ATG16L1: variants seen among roughly 807,000 people sequenced by gnomAD.
ATG16L1 encodes the protein autophagy related 16 like 1.
A neutral mutation model predicts 88.5 loss-of-function variants in ATG16L1; 37 were observed. That is an observed-to-expected ratio of 0.42 (90% CI 0.32 to 0.55). ATG16L1 has a LOEUF of 0.55. ATG16L1 is among the 20% of genes least tolerant of loss of function. The pLI, the probability that ATG16L1 is intolerant of heterozygous loss-of-function variation, is 0.13. For missense variants in ATG16L1, 554 were observed against 752.8 expected (o/e 0.74, Z 3.09); for synonymous variants, 301 against 281.0 (o/e 1.07, Z -0.71).
chr2:233,265,434 TATAG>T (rs1369410298), intron 5 of ATG16L1, among the ~76,000 whole-genome samples: 1 of 152,192 alleles, frequency 6.6e-6, no homozygotes, highest in Non-Finnish European at 1.5e-5. Flanking sequence ...CTTATATGAA[TATAG>T]ATGTGAAATT....
intron 2 of ATG16L1, among the ~76,000 whole-genome samples, chr2:233,262,284 A>C (rs1381439161): frequency 1.3e-5 from 2 of 152,132 alleles, no homozygotes; most frequent in Non-Finnish European, 2.9e-5. Flanking sequence ...CCATGTTTGC[A>C]CTTCACAGTA....
At chr2:233,279,035 G>T (rs987534600) in intron 10 of ATG16L1, among the ~76,000 whole-genome samples, 13 of 152,166 alleles carry the variant, frequency 8.5e-5, no homozygotes, top group Non-Finnish European at 1.5e-4. Context: ...AAAAGTAGCT[G>T]GGTGTGTTGG....
intron 6 of ATG16L1, among the ~76,000 whole-genome samples, chr2:233,272,044 A>T (rs997705005): frequency 6.6e-6 from 1 of 152,218 alleles, no homozygotes; most frequent in Non-Finnish European, 1.5e-5. Flanking sequence ...CCTAATCCAG[A>T]TAATTATTTA....
chr2:233,274,029 C>T (rs1414198335), intron 8 of ATG16L1: 2 of 1,550,758 alleles, frequency 1.3e-6, no homozygotes, highest in Admixed American at 2.0e-5. Flanking sequence ...CATTCTTCTT[C>T]TGATGCTGCC....
At position 233,281,946 on chromosome 2, in the gene ATG16L1, A is replaced by G. The variant is rs531239848; in HGVS notation, c.1132-736A>G. ...GCTGAGAGCTGACTACCTGAGGACA[A>G]GTGTCTGGGCGTTAATCATCTTTGT... On this transcript the variant is annotated intron_variant, in intron 11 of 17. Coordinates refer to ENST00000392017, the MANE Select transcript of ATG16L1 (RefSeq NM_030803.7). 7.4e-4 allele frequency among the ~76,000 whole-genome samples: 113 copies of G among 152,298 alleles called. 1 individual carries two copies. Among genetic ancestry groups the G allele is most frequent in the Middle Eastern group, 3.4e-3 (1 of 294 alleles).
chr2:233,258,952 A>G lies in ATG16L1; in HGVS notation c.209+2757A>G, dbSNP rs78561618. ...GGGCTTAAGTGATCCTCCCTCCTCA[A>G]CCTTCCATTAGTGTTGGGTTTACAG... On this transcript the variant is annotated intron_variant, in intron 2 of 17. Coordinates refer to ENST00000392017, the MANE Select transcript of ATG16L1 (RefSeq NM_030803.7). Among the ~76,000 whole-genome samples, 958 of 152,176 alleles carry G rather than the reference A, an allele frequency of 6.3e-3. 7 individuals carry two copies. The highest frequency in any genetic ancestry group is 0.022 in the African/African-American group (911 of 41,528).
chr2:233,257,924 C>G (rs1696910252), intron 2 of ATG16L1, among the ~76,000 whole-genome samples: 1 of 151,682 alleles, frequency 6.6e-6, no homozygotes, highest in South Asian at 2.1e-4. Flanking sequence ...ATTGCTTGAA[C>G]CTGGGAGGCG....
At chr2:233,268,440 C>G (rs1318551794) in intron 5 of ATG16L1, among the ~76,000 whole-genome samples, 5 of 152,204 alleles carry the variant, frequency 3.3e-5, no homozygotes, top group African/African-American at 1.2e-4. Context: ...GCCTGGGTGA[C>G]AGAGAGAGAC....
At chr2:233,284,092 C>G (rs1361576861) in intron 12 of ATG16L1, among the ~76,000 whole-genome samples, 1 of 151,768 alleles carries the variant, frequency 6.6e-6, no homozygotes, top group African/African-American at 2.4e-5. Flanking sequence ...GATCCACCCA[C>G]CTCGGCCTCC....
intron 3 of ATG16L1, 151 bp from the exon 4 acceptor site, chr2:233,263,841 A>T: frequency 1.6e-6 from 1 of 610,998 alleles, no homozygotes; most frequent in Non-Finnish European, 2.8e-6. Context: ...TGGCAGGGAT[A>T]GTTCCCCTTT....
chr2:233,272,414 ATTT>A (rs1200114859), intron 6 of ATG16L1, among the ~76,000 whole-genome samples: 1 of 152,312 alleles, frequency 6.6e-6, no homozygotes, highest in African/African-American at 2.4e-5. Context: ...TTGCTTTTCT[ATTT>A]TTTAAAGTAA....
intron 9 of ATG16L1, chr2:233,275,510 C>T (rs944200189): frequency 3.7e-5 from 13 of 347,194 alleles, no homozygotes; most frequent in African/African-American, 2.1e-4. Context: ...AAGATTTTGC[C>T]GTAAAAATGG....
chr2:233,282,580 A>G (rs143490297), intron 11 of ATG16L1, 102 bp from the exon 12 acceptor site: 5 of 1,048,002 alleles, frequency 4.8e-6, no homozygotes. Context: ...AGGGTGAAGC[A>G]TCTAAACCTT....
intron 1 of ATG16L1, 125 bp downstream of exon 1, chr2:233,252,067 A>T: frequency 1.3e-6 from 1 of 750,502 alleles, no homozygotes; most frequent in Non-Finnish European, 2.0e-6. Context: ...GCCCCGGGTA[A>T]CCCGCGCTTG....
intron 10 of ATG16L1, among the ~76,000 whole-genome samples, chr2:233,278,887 A>T (rs1026520028): frequency 6.6e-6 from 1 of 152,230 alleles, no homozygotes; most frequent in East Asian, 1.9e-4. Flanking sequence ...TGGCTGAAGC[A>T]ATTAGAAAAC....
chr2:233,270,996 C>T (rs766217772), intron 6 of ATG16L1, among the ~76,000 whole-genome samples: 1 of 152,090 alleles, frequency 6.6e-6, no homozygotes, highest in Non-Finnish European at 1.5e-5. Context: ...ACAAAGGTTC[C>T]CATATCATGC....
intron 8 of ATG16L1, 176 bp downstream of exon 8, chr2:233,273,953 A>C: frequency 1.9e-6 from 3 of 1,547,342 alleles, no homozygotes; most frequent in African/African-American, 1.4e-5. Flanking sequence ...CTTTCCTCTT[A>C]ATCTCGCTGC....
intron 11 of ATG16L1, among the ~76,000 whole-genome samples, chr2:233,281,777 C>T (rs946915689): frequency 2.0e-5 from 3 of 152,176 alleles, no homozygotes; most frequent in Admixed American, 6.5e-5. Flanking sequence ...GTAGCGTCCT[C>T]ATCTACCAAG....
chr2:233,285,405 G>C (rs1699009003), intron 12 of ATG16L1, among the ~76,000 whole-genome samples: 1 of 152,222 alleles, frequency 6.6e-6, no homozygotes, highest in Non-Finnish European at 1.5e-5. Flanking sequence ...AGGGGACCTA[G>C]AGCAGGGAGC....
Sources: gnomAD v4.1 joint callset for allele counts (sites outside exome capture counted in the v4.1 genomes callset) on GRCh38, gnomAD v4.1.1 for gene constraint, MANE v1.5 for transcripts, NCBI Gene and HGNC (gene_info 2026-07-23, HGNC 2026-07-21) for gene names.